The following GRINA variants were observed in gnomAD, a reference collection of about 807,000 sequenced individuals.
The protein encoded by GRINA is protein lifeguard 1.
GRINA carries 26 observed loss-of-function variants against 42.5 expected under a neutral mutation model. That is an observed-to-expected ratio of 0.61 (90% CI 0.45 to 0.85). The LOEUF (loss-of-function observed/expected upper bound fraction) is 0.85, where lower values mean the gene tolerates loss of function less well. Ranked by LOEUF, GRINA falls within the 40% of genes least tolerant of loss-of-function variation. GRINA has a pLI of 0.00. For synonymous variants in GRINA, 256 were observed against 204.2 expected (o/e 1.25, Z -2.17); for missense variants, 475 against 481.5 (o/e 0.99, Z 0.13).
At position 143,992,572 on chromosome 8, in the gene GRINA, C is replaced by T. The variant is rs782480856; in HGVS notation, c.930C>T (p.Ile310=). ...TCATCCGGAACCGCATCCTGGAGAT[C>T]GTGTACGCCTCACTGGGCGCTCTGC... The part of the protein sequence containing the change: ...CIFIRNRILE[I]VYASLGALLF... The change falls in exon 6 of 7, where the codon ATC becomes ATT. Residue 310 remains isoleucine (I), a synonymous_variant. Coordinates refer to ENST00000395068, the MANE Select transcript of GRINA (RefSeq NM_001009184.2). 2.2e-5 allele frequency: 35 copies of T among 1,614,060 alleles called. No individual in the cohort carries two copies. The highest frequency in any genetic ancestry group is 4.5e-5 in the East Asian group (2 of 44,900).
rs1412555833 is a variant in GRINA at position 143,990,704 on chromosome 8, C to G, written c.-24-496C>G. ...TGTTGGGCTCGCGGGGGTGGGGGGG[C>G]TCGGGCCTTTGTTGGTCACAGATGG... is the stretch of plus-strand genomic sequence containing the variant. On this transcript the variant is annotated intron_variant, in intron 1 of 6. Coordinates refer to ENST00000395068, the MANE Select transcript of GRINA (RefSeq NM_001009184.2). The surrounding 1 kb of genome is among the most constrained non-coding windows in gnomAD (Gnocchi z 5.6). 1 of 152,180 alleles carries G rather than the reference C, an allele frequency of 6.6e-6. No individual in the cohort carries two copies. The highest frequency in any genetic ancestry group is 1.5e-5 in the Non-Finnish European group (1 of 68,028). 9.4% of individuals were successfully genotyped at this position (152,180 alleles called of 1,614,324 possible).
In GRINA at chr8:143,991,722, G is replaced by A. The variant is rs1554750537; in HGVS notation, c.410G>A (p.Gly137Asp). 1 of 1,613,542 alleles carries A rather than the reference G, an allele frequency of 6.2e-7. No homozygotes were observed. Among genetic ancestry groups the A allele is most frequent in the African/African-American group, 1.3e-5 (1 of 74,910 alleles). ...SPQHGNYQEE[G>D]PPSYYDNQDF... ...CAGCATGGAAACTACCAGGAGGAGG[G>A]TCCCCCATCCTACTATGACAACCAG... Residue 137 changes from glycine (G) to aspartate (D), a missense_variant, in exon 3 of 7, where the codon GGT (glycine) becomes GAT (aspartate). Gly to Asp is a moderately conservative substitution (Grantham distance 94). This residue lies in a region of GRINA where 321 missense variants were observed against 267.2 expected (regional missense o/e 1.20). Coordinates refer to ENST00000395068, the MANE Select transcript of GRINA (RefSeq NM_001009184.2).
chr8:143,991,369 C>A lies in GRINA; in HGVS notation c.146C>A (p.Pro49His). 1.6e-6 allele frequency: 2 copies of A among 1,216,412 alleles called. No individual in the cohort carries two copies. The highest frequency in any genetic ancestry group is 1.1e-6 in the Non-Finnish European group (1 of 871,736). The allele number at this position is 1,216,412 out of a possible 1,614,324, so 75.4% of individuals were successfully genotyped here. Residue 49 changes from proline (P) to histidine (H), a missense_variant, in exon 2 of 7, where the codon CCC (proline) becomes CAC (histidine). Physicochemically the swap from Pro to His is moderately conservative, Grantham distance 77. Transcript: ENST00000395068. ...GAPYPQPPFQ[P>H]SPYGQPGYPH... ...CCTTACCCACAGCCCCCTTTCCAGC[C>A]CTCCCCCTACGGTCAGCCAGGGTAC... is the stretch of plus-strand genomic sequence containing the variant.
intron 4 of GRINA, 53 bp downstream of exon 4, chr8:143,992,131 C>G (rs756808596): frequency 5.6e-6 from 9 of 1,599,632 alleles, no homozygotes; most frequent in Non-Finnish European, 7.7e-6. Flanking sequence ...CAGTCCCACA[C>G]GCCCACTCTT....
chr8:143,991,188 T>C lies in GRINA; in HGVS notation c.-24-12T>C. The C allele has an allele frequency of 6.7e-7, 1 of 1,501,058 alleles. No individual in the cohort carries two copies. The highest frequency in any genetic ancestry group is 8.9e-7 in the Non-Finnish European group (1 of 1,119,044). The allele number at this position is 1,501,058 out of a possible 1,614,324, so 93.0% of individuals were successfully genotyped here. ...GCCAACTGTTCCACTGTTCCTTGTC[T>C]GTCTTCTCTAGGGGCGGACCGCGGA... On this transcript the variant is annotated splice_polypyrimidine_tract_variant and intron_variant, in intron 1 of 6. Coordinates refer to ENST00000395068, the MANE Select transcript of GRINA (RefSeq NM_001009184.2).
chr8:143,992,438 C>T, intron 5 of GRINA, 27 bp from the exon 6 acceptor site: 12 of 1,613,952 alleles, frequency 7.4e-6, no homozygotes, highest in Non-Finnish European at 1.0e-5. Context: ...GGCCCAGCCC[C>T]ATGGCCCGTT....
chr8:143,990,507 GC>G lies in GRINA; in HGVS notation c.-25+312del, dbSNP rs1357287355. ...TCTCGGTGCCAGTGCCACGGCCGCA[GC>G]CCCTACCCGCCTCGCCCCACGCCCG... On this transcript the variant is annotated intron_variant, in intron 1 of 6. Transcript: ENST00000395068. This position sits in a 1 kb window ranked among gnomAD's most constrained non-coding sequence, Gnocchi z 5.6. The G allele has an allele frequency of 3.3e-5, 5 of 152,250 alleles. No homozygotes were observed. The highest frequency in any genetic ancestry group is 1.2e-4 in the African/African-American group (5 of 41,438). The allele number at this position is 152,250 out of a possible 1,614,324, so 9.4% of individuals were successfully genotyped here.
Position 143,992,305 on chromosome 8 carries a change from G to A in GRINA, c.754G>A (p.Glu252Lys), listed in dbSNP as rs1285614418. 4 of 1,589,132 alleles carry A rather than the reference G, an allele frequency of 2.5e-6. No homozygotes were observed. Among genetic ancestry groups the A allele is most frequent in the Admixed American group, 1.7e-5 (1 of 58,078 alleles). Residue 252 changes from glutamate to lysine, a missense_variant, in exon 5 of 7, where the codon GAG becomes AAG. Glu to Lys is a moderately conservative substitution (Grantham distance 56). Transcript: ENST00000395068. The stretch of plus-strand genomic sequence containing the variant: ...GATGATCGCCAGCTTCTACAACACC[G>A]AGGCAGTCATCATGGCCGTGGGCAT... The part of the protein sequence containing the change: ...VGMIASFYNT[E>K]AVIMAVGITT...
chr8:143,991,268 TC>T lies in GRINA; in HGVS notation c.51del (p.Asn18ThrfsTer150), dbSNP rs1554750377. 14 of 1,552,632 alleles carry T rather than the reference TC, an allele frequency of 9.0e-6. No individual in the cohort carries two copies. Among genetic ancestry groups the T allele is most frequent in the South Asian group, 2.3e-5 (2 of 86,476 alleles). ...TTTTGGTGTCTGGGGACAACTATCC[TC>T]CCCCCAACCCTGGATATCCGGGGGG... The part of the protein sequence containing the change: ...SFLVSGDNYP[P>X]PNPGYPGGPQ... On this transcript the variant is annotated frameshift_variant, in exon 2 of 7. Transcript: ENST00000395068. LOFTEE classifies it high-confidence loss of function.
chr8:143,991,750 C>T lies in GRINA; in HGVS notation c.438C>T (p.Asp146=), dbSNP rs1554750544. 6.2e-7 allele frequency: 1 copy of T among 1,613,946 alleles called. No individual in the cohort carries two copies. Among genetic ancestry groups the T allele is most frequent in the Non-Finnish European group, 8.5e-7 (1 of 1,179,836 alleles). The change falls in exon 3 of 7, where the codon GAC becomes GAT. Residue 146 remains aspartate, a synonymous_variant. Coordinates refer to ENST00000395068, the MANE Select transcript of GRINA (RefSeq NM_001009184.2). ...EGPPSYYDNQ[D]FPATNWDDKS... is the part of the protein sequence containing the mutation. ...CCCCATCCTACTATGACAACCAGGA[C>T]TTCCCTGCCACCAACTGGGATGACA...
chr8:143,992,228 G>C lies in GRINA; in HGVS notation c.694-17G>C. On this transcript the variant is annotated splice_polypyrimidine_tract_variant and intron_variant, in intron 4 of 6. Coordinates refer to ENST00000395068, the MANE Select transcript of GRINA (RefSeq NM_001009184.2). ...GGGGGCACACACCCAAGGTCAGCCTGTGTCTCCCAACTGCAGTCGGTCCTG... is the reference window on the plus strand; with the variant it reads ...GGGGGCACACACCCAAGGTCAGCCTCTGTCTCCCAACTGCAGTCGGTCCTG... 3.1e-6 allele frequency: 5 copies of C among 1,604,080 alleles called. No homozygotes were observed. Among genetic ancestry groups the C allele is most frequent in the Non-Finnish European group, 4.3e-6 (5 of 1,174,212 alleles).
rs139058041 is a variant in GRINA, at chr8:143,992,829, C to A, written c.1104C>A (p.Arg368=). Residue 368 remains arginine, a synonymous_variant, in exon 7 of 7, where the codon CGC becomes CGA. Coordinates refer to ENST00000395068, the MANE Select transcript of GRINA (RefSeq NM_001009184.2). ...TGTACATCCTCACCATCATTGGCCG[C>A]GCCAAGGAGTAGCCGAGCTCCAGCT... The part of the protein sequence containing the change: ...IFLYILTIIG[R]AKE The A allele has an allele frequency of 4.8e-4, 780 of 1,613,404 alleles. No individual in the cohort carries two copies. Among genetic ancestry groups the A allele is most frequent in the Non-Finnish European group, 6.1e-4 (719 of 1,179,754 alleles).
In GRINA at chr8:143,991,370, C is replaced by T. The variant is rs1834091395; in HGVS notation, c.147C>T (p.Pro49=). Residue 49 remains proline, a synonymous_variant, in exon 2 of 7, where the codon CCC becomes CCT. Coordinates refer to ENST00000395068, the MANE Select transcript of GRINA (RefSeq NM_001009184.2). ...CTTACCCACAGCCCCCTTTCCAGCC[C>T]TCCCCCTACGGTCAGCCAGGGTACC... ...GAPYPQPPFQ[P]SPYGQPGYPH... 2 of 1,219,574 alleles carry T rather than the reference C, an allele frequency of 1.6e-6. No homozygotes were observed. Among genetic ancestry groups the T allele is most frequent in the Middle Eastern group, 2.0e-4 (1 of 4,938 alleles). 75.5% of individuals were successfully genotyped at this position (1,219,574 alleles called of 1,614,324 possible).
Position 143,991,457 on chromosome 8 carries a change from C to T in GRINA, c.234C>T (p.Gly78=). The part of the protein sequence containing the change: ...GYPQGPYPQG[G]YPQGPYPQEG... ...CACAGGGTCCCTACCCCCAAGGGGG[C>T]TACCCACAGGGCCCCTACCCACAAG... Residue 78 remains glycine, a synonymous_variant, in exon 2 of 7, where the codon GGC becomes GGT. Coordinates refer to ENST00000395068, the MANE Select transcript of GRINA (RefSeq NM_001009184.2). 1 of 1,487,658 alleles carries T rather than the reference C, an allele frequency of 6.7e-7. No homozygotes were observed. The highest frequency in any genetic ancestry group is 8.9e-7 in the Non-Finnish European group (1 of 1,121,148). The allele number at this position is 1,487,658 out of a possible 1,614,324, so 92.2% of individuals were successfully genotyped here.
At chr8:143,991,017 C>A in intron 1 of GRINA, 183 bp from the exon 2 acceptor site, 1 of 419,528 alleles carries the variant, frequency 2.4e-6, no homozygotes, top group Non-Finnish European at 4.3e-6. Flanking sequence ...CACGGCGCCG[C>A]CCGTCCGGTC....
chr8:143,991,432 C>G lies in GRINA; in HGVS notation c.209C>G (p.Pro70Arg). ...AGCCCCTACCCCCAAGGGGGCTACC[C>G]ACAGGGTCCCTACCCCCAAGGGGGC... ...GPSPYPQGGY[P>R]QGPYPQGGYP... is the part of the protein sequence containing the mutation. Residue 70 changes from proline (P) to arginine (R), a missense_variant, in exon 2 of 7, where the codon CCA becomes CGA. Pro to Arg is a moderately radical substitution (Grantham distance 103). Transcript: ENST00000395068. The G allele has an allele frequency of 6.9e-7, 1 of 1,445,602 alleles. No homozygotes were observed. Among genetic ancestry groups the G allele is most frequent in the Non-Finnish European group, 9.2e-7 (1 of 1,091,294 alleles). 89.5% of individuals were successfully genotyped at this position (1,445,602 alleles called of 1,614,324 possible).
At position 143,991,248 on chromosome 8, in the gene GRINA, G is replaced by T; in HGVS notation, c.25G>T (p.Val9Leu). 6.3e-7 allele frequency: 1 copy of T among 1,575,060 alleles called. No individual in the cohort carries two copies. The highest frequency in any genetic ancestry group is 8.6e-7 in the Non-Finnish European group (1 of 1,159,174). ...CATGTCCCATGAAAAGAGTTTTTTG[G>T]TGTCTGGGGACAACTATCCTCCCCC... MSHEKSFL[V>L]SGDNYPPPNP... Residue 9 changes from valine (V) to leucine (L), a missense_variant, in exon 2 of 7, where the codon GTG becomes TTG. Coordinates refer to ENST00000395068, the MANE Select transcript of GRINA (RefSeq NM_001009184.2).
At position 143,992,868 on chromosome 8, in the gene GRINA, C is replaced by T. The variant is rs1554750833; in HGVS notation, c.*27C>T. 3 of 1,606,218 alleles carry T rather than the reference C, an allele frequency of 1.9e-6. No homozygotes were observed. Among genetic ancestry groups the T allele is most frequent in the Non-Finnish European group, 8.5e-7 (1 of 1,175,844 alleles). ...CGAGCTCCAGCTCGCTGTGCCCGCT[C>T]AGGTGGCACGGCTGGCCTGGACCCT... On this transcript the variant is annotated 3_prime_UTR_variant, in exon 7 of 7. Coordinates refer to ENST00000395068, the MANE Select transcript of GRINA (RefSeq NM_001009184.2).
rs781816408 is a variant in GRINA at position 143,991,662 on chromosome 8, TG to T, written c.380-28del. The T allele has an allele frequency of 1.6e-5, 25 of 1,591,584 alleles. No individual in the cohort carries two copies. The Admixed American group carries it at 3.2e-4, about 20-fold the overall frequency. On this transcript the variant is annotated intron_variant, in intron 2 of 6. Coordinates refer to ENST00000395068, the MANE Select transcript of GRINA (RefSeq NM_001009184.2). ...GAGGGCAGGGGGAGGTGCTTGTGAG[TG>T]GCGCTGACCCAGCCTGTCTGCTTCT...
Sources: allele counts gnomAD v4.1 joint callset, GRCh38; gene constraint gnomAD v4.1.1; regional missense constraint gnomAD v4.1.1; non-coding constraint Gnocchi (gnomAD v3.1); transcripts MANE v1.5; gene names NCBI Gene and HGNC (gene_info 2026-07-23, HGNC 2026-07-21).